Variants in SLMAP observed in about 807,000 individuals in gnomAD.
SLMAP encodes sarcolemmal membrane-associated protein.
SLMAP carries 44 observed loss-of-function variants against 128.8 expected under a neutral mutation model. That is an observed-to-expected ratio of 0.34 (90% confidence interval 0.27 to 0.44). The LOEUF (loss-of-function observed/expected upper bound fraction) is 0.44. SLMAP is among the 20% of genes least tolerant of loss of function. The pLI is 1.00. For synonymous variants in SLMAP, 327 were observed against 348.8 expected (o/e 0.94, Z 0.70); for missense variants, 787 against 985.3 (o/e 0.80, Z 2.69).
At chr3:57,919,306 G>A (rs1214060463) in intron 22 of SLMAP, among the ~76,000 whole-genome samples, 2 of 151,710 alleles carry the variant, frequency 1.3e-5, no homozygotes, top group South Asian at 2.1e-4. Context: ...GCTTGAACCC[G>A]GGAGGCGGAG....
chr3:57,869,627 CTATTATATATATATATATATATATATATA>C (rs1232179471), intron 13 of SLMAP, among the ~76,000 whole-genome samples: 4 of 40,154 alleles, frequency 1.0e-4, no homozygotes, highest in African/African-American at 4.2e-4. Flanking sequence ...GATCCCATCT[CTATTATATATATATATATATATATATATA>C]TATAATATAT....
rs2097052090 is a variant in SLMAP at position 57,929,823 on chromosome 3, A to G, written c.*2534A>G. On this transcript the variant is annotated 3_prime_UTR_variant, in exon 25 of 25. Coordinates refer to ENST00000671191, the MANE Select transcript of SLMAP (RefSeq NM_001377540.1). ...CCATTTTCTCATTTATAACATGCGG[A>G]GAATAATACTTATATTTGTGGTAGT... Among the ~76,000 whole-genome samples, 1 of 152,240 alleles carries G rather than the reference A, an allele frequency of 6.6e-6. No individual in the cohort carries two copies. The highest frequency in any genetic ancestry group is 2.4e-5 in the African/African-American group (1 of 41,460).
At chr3:57,887,228 C>A (rs916841045) in intron 14 of SLMAP, among the ~76,000 whole-genome samples, 1 of 150,840 alleles carries the variant, frequency 6.6e-6, no homozygotes, top group African/African-American at 2.4e-5. Flanking sequence ...AATAAATAAG[C>A]CATGAGATTT....
At chr3:57,919,241 C>T (rs994973963) in intron 22 of SLMAP, among the ~76,000 whole-genome samples, 1 of 151,950 alleles carries the variant, frequency 6.6e-6, no homozygotes, top group African/African-American at 2.4e-5. Context: ...ATTAGCCAGG[C>T]ATGATGGCAT....
At chr3:57,923,331 T>A (rs2096949142) in intron 23 of SLMAP, among the ~76,000 whole-genome samples, 1 of 152,232 alleles carries the variant, frequency 6.6e-6, no homozygotes, top group South Asian at 2.1e-4. Context: ...TAAGCTATCA[T>A]CTGGCTCTTG....
chr3:57,843,463 G>A (rs537402775), intron 4 of SLMAP, among the ~76,000 whole-genome samples: 29 of 151,432 alleles, frequency 1.9e-4, no homozygotes, highest in African/African-American at 6.1e-4. Flanking sequence ...ACACCACCAC[G>A]CCCAGCTAAT....
At chr3:57,864,968 A>G in intron 12 of SLMAP, 111 bp downstream of exon 12, 1 of 843,130 alleles carries the variant, frequency 1.2e-6, no homozygotes, top group Non-Finnish European at 1.8e-6. Context: ...TATTAGGTAT[A>G]AAGTATCTAT....
At chr3:57,920,426 A>G (rs1438086280) in intron 22 of SLMAP, among the ~76,000 whole-genome samples, 1 of 152,158 alleles carries the variant, frequency 6.6e-6, no homozygotes. Context: ...CCTAAGCCCC[A>G]TCTCTCCTGT....
At chr3:57,922,681 C>T (rs1217821240) in intron 22 of SLMAP, among the ~76,000 whole-genome samples, 1 of 152,138 alleles carries the variant, frequency 6.6e-6, no homozygotes, top group African/African-American at 2.4e-5. Context: ...CCCGCCTTGG[C>T]CTCCCAAAGT....
At chr3:57,759,184 A>G (rs577513110) in intron 2 of SLMAP, among the ~76,000 whole-genome samples, 45 of 152,264 alleles carry the variant, frequency 3.0e-4, no homozygotes, top group Admixed American at 5.2e-4. Flanking sequence ...TCTGTTTAAC[A>G]CCAGATCCTC....
At chr3:57,784,675 C>T (rs755485882) in intron 2 of SLMAP, among the ~76,000 whole-genome samples, 1 of 152,122 alleles carries the variant, frequency 6.6e-6, no homozygotes, top group Non-Finnish European at 1.5e-5. Context: ...GGAATCTTTG[C>T]ATTTTGCATT....
chr3:57,783,769 C>T (rs1559971319), intron 2 of SLMAP, among the ~76,000 whole-genome samples: 5 of 152,166 alleles, frequency 3.3e-5, no homozygotes, highest in Admixed American at 1.3e-4. Context: ...TTTCAGAGAT[C>T]TTCAAGGCTA....
chr3:57,905,481 A>G (rs1028820933), intron 17 of SLMAP, among the ~76,000 whole-genome samples: 2 of 151,972 alleles, frequency 1.3e-5, no homozygotes, highest in African/African-American at 4.8e-5. Context: ...GGGTTTTACC[A>G]TGTTGCCTAG....
intron 15 of SLMAP, among the ~76,000 whole-genome samples, chr3:57,892,835 T>C (rs77686148): frequency 1.4e-5 from 2 of 147,036 alleles, no homozygotes; most frequent in African/African-American, 2.5e-5. Context: ...TGCTTTCTTT[T>C]TTTTTTTTTT....
intron 2 of SLMAP, among the ~76,000 whole-genome samples, chr3:57,779,329 G>A (rs935248078): frequency 5.3e-5 from 8 of 151,644 alleles, no homozygotes; most frequent in African/African-American, 1.2e-4. Flanking sequence ...GCAACATGGC[G>A]AAACTCCATC....
At chr3:57,784,664 T>C (rs1285686636) in intron 2 of SLMAP, among the ~76,000 whole-genome samples, 2 of 152,152 alleles carry the variant, frequency 1.3e-5, no homozygotes, top group Non-Finnish European at 1.5e-5. Flanking sequence ...ATTATTGGGA[T>C]GGAATCTTTG....
intron 2 of SLMAP, among the ~76,000 whole-genome samples, chr3:57,784,301 A>G (rs1015090936): frequency 1.3e-5 from 2 of 152,168 alleles, no homozygotes; most frequent in East Asian, 1.9e-4. Flanking sequence ...CTATAGAGGT[A>G]GGGCTGCCTG....
chr3:57,797,985 G>C (rs900839301), intron 2 of SLMAP, among the ~76,000 whole-genome samples: 1 of 152,164 alleles, frequency 6.6e-6, no homozygotes, highest in African/African-American at 2.4e-5. Flanking sequence ...TTGTGCCTCA[G>C]GTTGTTTTTC....
chr3:57,820,497 T>C (rs2092399440), intron 2 of SLMAP, among the ~76,000 whole-genome samples: 1 of 152,192 alleles, frequency 6.6e-6, no homozygotes, highest in Non-Finnish European at 1.5e-5. Context: ...AATTAGAATT[T>C]GCTGTAGGCT....
Sources: gnomAD v4.1 joint callset for allele counts (sites outside exome capture counted in the v4.1 genomes callset) on GRCh38, gnomAD v4.1.1 for gene constraint, MANE v1.5 for transcripts, NCBI Gene and HGNC (gene_info 2026-07-23, HGNC 2026-07-21) for gene names.